Variants in ALS2 observed in about 807,000 individuals in gnomAD.
The protein encoded by ALS2 is alsin.
In ALS2, 117 loss-of-function variants were observed where a neutral mutation model predicts 203.4. The ratio of observed to expected loss-of-function variants is 0.58; its 90% CI spans 0.50 to 0.67. The LOEUF (loss-of-function observed/expected upper bound fraction) is 0.67, where lower values mean the gene tolerates loss of function less well. ALS2 is among the 30% of genes least tolerant of loss of function. The probability of loss-of-function intolerance (pLI) is 0.00; values close to 1 mark genes in which losing one functional copy is unlikely to be tolerated. For missense variants in ALS2, 1,715 were observed against 1,989.4 expected (o/e 0.86, Z 2.62); for synonymous variants, 718 against 725.9 (o/e 0.99, Z 0.17).
chr2:201,767,141 G>A, intron 3 of ALS2, 88 bp downstream of exon 3: 1 of 1,488,704 alleles, frequency 6.7e-7, no homozygotes, highest in South Asian at 1.1e-5. Flanking sequence ...AGAACCCCTA[G>A]TATCCAATGA....
At chr2:201,779,591 T>C (rs1694808210) in intron 1 of ALS2, among the ~76,000 whole-genome samples, 1 of 152,182 alleles carries the variant, frequency 6.6e-6, no homozygotes, top group Non-Finnish European at 1.5e-5. Flanking sequence ...GAGGAATTAA[T>C]TATAAAAACA....
chr2:201,744,918 C>A (rs1216088901), intron 9 of ALS2, among the ~76,000 whole-genome samples: 1 of 152,074 alleles, frequency 6.6e-6, no homozygotes, highest in Non-Finnish European at 1.5e-5. Context: ...AATTAACCTG[C>A]CTTTTGTACA....
At position 201,747,364 on chromosome 2, in the gene ALS2, C is replaced by T. The variant is rs116933882; in HGVS notation, c.1816-616G>A. On this transcript the variant is annotated intron_variant, in intron 8 of 33. Transcript: ENST00000264276. ...TTCTCAGTGGTCTTTGCAGCAGCAG[C>T]AGCAGCCATCACCTGGGAACATGTT... Among the ~76,000 whole-genome samples, 75 of 152,018 alleles carry T rather than the reference C, an allele frequency of 4.9e-4. No individual in the cohort carries two copies. In the East Asian group the frequency reaches 0.014, roughly 28 times the overall value.
chr2:201,721,228 C>T (rs1690775611), intron 23 of ALS2, among the ~76,000 whole-genome samples: 1 of 152,108 alleles, frequency 6.6e-6, no homozygotes, highest in Admixed American at 6.5e-5. Flanking sequence ...ATTAAGATGG[C>T]AATTCTCCCC....
intron 24 of ALS2, among the ~76,000 whole-genome samples, chr2:201,717,292 C>T (rs1690465263): frequency 6.6e-6 from 1 of 152,096 alleles, no homozygotes; most frequent in African/African-American, 2.4e-5. Flanking sequence ...TGGTGAAACC[C>T]TGTCTCTACT....
At chr2:201,723,560 C>T (rs1690954672) in intron 21 of ALS2, 119 bp from the exon 22 acceptor site, 2 of 849,376 alleles carry the variant, frequency 2.4e-6, no homozygotes, top group Admixed American at 1.9e-5. Flanking sequence ...TTCCATTTTT[C>T]TAGTTAAAAT....
At chr2:201,766,077 A>G (rs1559087848) in intron 3 of ALS2, among the ~76,000 whole-genome samples, 1 of 152,242 alleles carries the variant, frequency 6.6e-6, no homozygotes, top group Non-Finnish European at 1.5e-5. Context: ...CTACTAACAC[A>G]TGGGGCTTAG....
intron 33 of ALS2, among the ~76,000 whole-genome samples, chr2:201,703,002 A>C (rs1385902828): frequency 6.6e-6 from 1 of 151,982 alleles, no homozygotes; most frequent in Non-Finnish European, 1.5e-5. Flanking sequence ...TGTAATCCCA[A>C]CTACTTGGGA....
At chr2:201,729,302 C>G in intron 13 of ALS2, 119 bp from the exon 14 acceptor site, 3 of 1,186,680 alleles carry the variant, frequency 2.5e-6, no homozygotes, top group Non-Finnish European at 3.6e-6. Flanking sequence ...ATTCAGCCCA[C>G]GAGCATAAGT....
chr2:201,766,610 T>C (rs922326364), intron 3 of ALS2, among the ~76,000 whole-genome samples: 5 of 150,746 alleles, frequency 3.3e-5, no homozygotes, highest in Non-Finnish European at 5.9e-5. Flanking sequence ...GATTGCACCA[T>C]TGCATTCCAG....
chr2:201,709,772 A>G (rs1293496485), intron 27 of ALS2, 109 bp downstream of exon 27: 1 of 1,341,862 alleles, frequency 7.5e-7, no homozygotes, highest in Non-Finnish European at 1.1e-6. Context: ...AATCTATTAA[A>G]GGACTGTGGC....
rs181535245 is a variant in ALS2 at position 201,700,443 on chromosome 2, A to G, written c.*1408T>C. ...AACCCCAGAGGGACTTTTGAGGCCA[A>G]TACTTAGAGGCATGGATTACAATGT... On this transcript the variant is annotated 3_prime_UTR_variant, in exon 34 of 34. Coordinates refer to ENST00000264276, the MANE Select transcript of ALS2 (RefSeq NM_020919.4). The G allele has an allele frequency of 1.3e-5, 2 of 152,716 alleles. No homozygotes were observed. Among genetic ancestry groups the G allele is most frequent in the South Asian group, 2.1e-4 (1 of 4,832 alleles). The allele number at this position is 152,716 out of a possible 1,614,324, so 9.5% of individuals were successfully genotyped here.
At chr2:201,722,736 G>T in intron 23 of ALS2, 1 of 347,086 alleles carries the variant, frequency 2.9e-6, no homozygotes, top group Non-Finnish European at 5.2e-6. Flanking sequence ...TTGCATGTAT[G>T]ATTCCATTTA....
intron 25 of ALS2, among the ~76,000 whole-genome samples, chr2:201,711,736 C>A (rs1230648376): frequency 6.6e-6 from 1 of 152,068 alleles, no homozygotes; most frequent in African/African-American, 2.4e-5. Context: ...TAGATGACAA[C>A]CAATGAGAAA....
intron 2 of ALS2, 80 bp downstream of exon 2, chr2:201,768,786 C>A: frequency 7.3e-7 from 1 of 1,364,566 alleles, no homozygotes; most frequent in Non-Finnish European, 1.0e-6. Context: ...GAAAATTAAA[C>A]TGAAGAGAAG....
intron 11 of ALS2, among the ~76,000 whole-genome samples, chr2:201,739,873 T>G (rs1401509359): frequency 6.6e-6 from 1 of 152,228 alleles, no homozygotes; most frequent in Non-Finnish European, 1.5e-5. Flanking sequence ...TTATACTGCT[T>G]TGAGCCCTGT....
intron 4 of ALS2, 183 bp downstream of exon 4, chr2:201,760,698 A>G: frequency 7.1e-7 from 1 of 1,417,816 alleles, no homozygotes; most frequent in Non-Finnish European, 9.2e-7. Context: ...AACAAACATA[A>G]AGAGTGATTT....
chr2:201,778,550 A>G (rs188994013), intron 1 of ALS2: 1 of 152,322 alleles, frequency 6.6e-6, no homozygotes, highest in Non-Finnish European at 1.5e-5. Flanking sequence ...ATTAAATGCA[A>G]TATGAAAAAG....
At chr2:201,710,159 G>C in intron 26 of ALS2, 121 bp from the exon 27 acceptor site, 2 of 1,199,190 alleles carry the variant, frequency 1.7e-6, no homozygotes, top group Non-Finnish European at 2.4e-6. Flanking sequence ...TCAATTTTGG[G>C]ACCAGGAATA....
Sources: gnomAD v4.1 joint callset for allele counts (sites outside exome capture counted in the v4.1 genomes callset) on GRCh38, gnomAD v4.1.1 for gene constraint, MANE v1.5 for transcripts, NCBI Gene and HGNC (gene_info 2026-07-23, HGNC 2026-07-21) for gene names.